The following SLC12A7 variants were observed in gnomAD, a reference collection of about 807,000 sequenced individuals.
The protein encoded by SLC12A7 is K-Cl cotransporter 4.
In SLC12A7, 100 loss-of-function variants were observed where a neutral mutation model predicts 120.6. The observed-to-expected ratio is 0.83, with a 90% CI of 0.71 to 0.98. The LOEUF (loss-of-function observed/expected upper bound fraction) is 0.98, where lower values mean the gene tolerates loss of function less well. SLC12A7 is among the 50% of genes least tolerant of loss of function. The pLI is 0.00. For synonymous variants in SLC12A7, 760 were observed against 678.0 expected (o/e 1.12, Z -1.88); for missense variants, 1,373 against 1,548.1 (o/e 0.89, Z 1.90).
chr5:1,055,849 C>T (rs1370004476), intron 22 of SLC12A7, among the ~76,000 whole-genome samples: 2 of 152,240 alleles, frequency 1.3e-5, no homozygotes, highest in Admixed American at 1.3e-4. Context: ...GCACGCCTCG[C>T]ACATAGCTGC....
At chr5:1,151,223 G>T in the SLC12A7 span, among the ~76,000 whole-genome samples, 2 of 152,216 alleles carry the variant, frequency 1.3e-5, no homozygotes, top group East Asian at 3.8e-4. This position sits in a 1 kb window ranked among gnomAD's most constrained non-coding sequence, Gnocchi z 6.2. Flanking sequence ...AGTTTCCAAG[G>T]CTCAGGCAAC....
chr5:1,124,303 T>C, the SLC12A7 span, among the ~76,000 whole-genome samples: 1 of 152,154 alleles, frequency 6.6e-6, no homozygotes, highest in African/African-American at 2.4e-5. Flanking sequence ...GGAATGCACA[T>C]TTAAAAAACA....
intron 5 of SLC12A7, 102 bp downstream of exon 5, chr5:1,088,204 C>CCCCGG (rs764408692): frequency 5.8e-6 from 7 of 1,214,166 alleles, no homozygotes. Flanking sequence ...CCCAGGCAGC[C>CCCCGG]CCCGGCCCGG....
chr5:1,114,573 C>T (rs1037887396), upstream of SLC12A7, among the ~76,000 whole-genome samples: 2 of 152,168 alleles, frequency 1.3e-5, no homozygotes, highest in Non-Finnish European at 2.9e-5. Flanking sequence ...TCTCTTCCTA[C>T]CCACCTCCAT....
At chr5:1,079,750 C>T (rs1386595459) in intron 9 of SLC12A7, among the ~76,000 whole-genome samples, 3 of 152,180 alleles carry the variant, frequency 2.0e-5, no homozygotes, top group Non-Finnish European at 2.9e-5. Flanking sequence ...CCGTCACTGA[C>T]CCCCACGCCC....
At chr5:1,118,294 CT>C in the SLC12A7 span, among the ~76,000 whole-genome samples, 1 of 152,362 alleles carries the variant, frequency 6.6e-6, no homozygotes, top group South Asian at 2.1e-4. Context: ...TCCATCAGCT[CT>C]GTCTGGGCAG....
In SLC12A7 at chr5:1,057,456, C is replaced by A; in HGVS notation, c.3026+15G>T. On this transcript the variant is annotated intron_variant, in intron 22 of 23. Coordinates refer to ENST00000264930, the MANE Select transcript of SLC12A7 (RefSeq NM_006598.3). The stretch of plus-strand genomic sequence containing the variant: ...CAGGATCTGTTCCCCCCAGGCCACA[C>A]GCACGGACACTCACGGCTTCATGCT... 6.2e-7 allele frequency: 1 copy of A among 1,600,388 alleles called. No individual in the cohort carries two copies.
the SLC12A7 span, among the ~76,000 whole-genome samples, chr5:1,133,501 G>T: frequency 6.6e-6 from 1 of 152,184 alleles, no homozygotes; most frequent in African/African-American, 2.4e-5. Flanking sequence ...TCCGTCGACA[G>T]GACTTAAGGC....
intron 22 of SLC12A7, among the ~76,000 whole-genome samples, chr5:1,054,896 C>CTT (rs369936809): frequency 2.0e-5 from 3 of 152,342 alleles, no homozygotes; most frequent in African/African-American, 7.2e-5. Context: ...GAACTTGGAA[C>CTT]TTTGAATTCG....
the SLC12A7 span, among the ~76,000 whole-genome samples, chr5:1,147,561 T>C: frequency 6.6e-6 from 1 of 152,110 alleles, no homozygotes; most frequent in African/African-American, 2.4e-5. Flanking sequence ...TGAAGCCAAG[T>C]GATTCTTTCC....
chr5:1,138,717 G>A, the SLC12A7 span, among the ~76,000 whole-genome samples: 2 of 152,204 alleles, frequency 1.3e-5, no homozygotes, highest in African/African-American at 4.8e-5. Context: ...GGAGGCCACC[G>A]TTTAGTTTAC....
the SLC12A7 span, among the ~76,000 whole-genome samples, chr5:1,152,996 T>C: frequency 6.6e-6 from 1 of 152,222 alleles, no homozygotes; most frequent in Non-Finnish European, 1.5e-5. Context: ...TTTTTAAACT[T>C]GGTTTACATT....
chr5:1,148,318 T>C, the SLC12A7 span, among the ~76,000 whole-genome samples: 1 of 147,938 alleles, frequency 6.8e-6, no homozygotes, highest in Non-Finnish European at 1.5e-5. Flanking sequence ...ACCATTCTCC[T>C]GCCTCAGCCT....
At chr5:1,076,836 T>C in intron 12 of SLC12A7, 24 bp from the exon 13 acceptor site, 1 of 1,502,574 alleles carries the variant, frequency 6.7e-7, no homozygotes, top group Non-Finnish European at 9.2e-7. Flanking sequence ...GGCAGGAAGA[T>C]GGGGCAGATG....
chr5:1,074,040 G>A (rs1360150911), intron 16 of SLC12A7, among the ~76,000 whole-genome samples: 1 of 152,132 alleles, frequency 6.6e-6, no homozygotes, highest in Non-Finnish European at 1.5e-5. Context: ...GGGACAGGCA[G>A]GGCCGATGGA....
intron 19 of SLC12A7, 48 bp downstream of exon 19, chr5:1,064,035 C>T (rs199829222): frequency 4.6e-4 from 738 of 1,601,378 alleles, no homozygotes; most frequent in Non-Finnish European, 5.8e-4. Flanking sequence ...GCCCGCAGCA[C>T]GTGGGGTGGC....
chr5:1,057,419 G>A, intron 22 of SLC12A7, 52 bp downstream of exon 22: 2 of 1,539,540 alleles, frequency 1.3e-6, no homozygotes, highest in Non-Finnish European at 1.8e-6. Flanking sequence ...CTCACTGCCG[G>A]GCCAGCACTG....
chr5:1,056,360 T>C (rs1356716544), intron 22 of SLC12A7, among the ~76,000 whole-genome samples: 1 of 152,112 alleles, frequency 6.6e-6, no homozygotes, highest in African/African-American at 2.4e-5. Flanking sequence ...AGGCGTGTGC[T>C]GGAGCCACCG....
In SLC12A7 at chr5:1,075,477, G is replaced by A. The variant is rs1738228187; in HGVS notation, c.1861C>T (p.Leu621=). 2 of 1,611,608 alleles carry A rather than the reference G, an allele frequency of 1.2e-6. No homozygotes were observed. The highest frequency in any genetic ancestry group is 1.7e-6 in the Non-Finnish European group (2 of 1,178,922). The change falls in exon 15 of 24, where the codon CTG becomes TTG. Residue 621 remains leucine (L), a synonymous_variant. Coordinates refer to ENST00000264930, the MANE Select transcript of SLC12A7 (RefSeq NM_006598.3). ...AGCGCCAGGCACAGGCTCATACCCA[G>A]AAAGGACAGGGTCCTGGGGGCGGGG... The part of the protein sequence containing the change: ...FKFYHWTLSF[L]GMSLCLALMF...
Sources: allele counts gnomAD v4.1 joint callset (sites outside exome capture counted in the v4.1 genomes callset), GRCh38; gene constraint gnomAD v4.1.1; non-coding constraint Gnocchi (gnomAD v3.1); transcripts MANE v1.5; gene names NCBI Gene and HGNC (gene_info 2026-07-23, HGNC 2026-07-21).